Variants in ERICH6 observed in about 807,000 individuals in gnomAD.
ERICH6 encodes glutamate rich 6, also known as glutamate-rich protein 6.
ERICH6 carries 71 observed loss-of-function variants against 71.0 expected under a neutral mutation model. That is an observed-to-expected ratio of 1.00 (90% CI 0.83 to 1.22). The LOEUF (loss-of-function observed/expected upper bound fraction) is 1.22. Among genes scored for constraint, ERICH6 ranks in the 50% most tolerant of loss-of-function variants. The probability of loss-of-function intolerance (pLI) is 0.00; values close to 1 mark genes in which losing one functional copy is unlikely to be tolerated. For missense variants in ERICH6, 808 were observed against 797.2 expected (o/e 1.01, Z -0.16); for synonymous variants, 262 against 278.4 (o/e 0.94, Z 0.59).
chr3:150,663,842 C>A (rs1217898603), intron 13 of ERICH6, among the ~76,000 whole-genome samples: 1 of 151,720 alleles, frequency 6.6e-6, no homozygotes, highest in African/African-American at 2.4e-5. Flanking sequence ...CAGAGACTTG[C>A]AAGTCTCAAG....
chr3:150,702,478 A>G (rs956155370), intron 1 of ERICH6, among the ~76,000 whole-genome samples: 4 of 151,998 alleles, frequency 2.6e-5, no homozygotes, highest in East Asian at 1.9e-4. Context: ...GGGTTTCACC[A>G]TGTTAGCCAG....
Position 150,686,354 on chromosome 3 carries a change from C to T in ERICH6, c.554G>A (p.Arg185Lys), listed in dbSNP as rs777278887. 1 of 1,614,036 alleles carries T rather than the reference C, an allele frequency of 6.2e-7. No individual in the cohort carries two copies. Among genetic ancestry groups the T allele is most frequent in the Non-Finnish European group, 8.5e-7 (1 of 1,179,962 alleles). The change falls in exon 4 of 14, where the codon AGG becomes AAG. Residue 185 changes from arginine to lysine, a missense_variant and splice_region_variant. By Grantham distance (26) the Arg-to-Lys change is conservative (BLOSUM62 2). This residue lies in a region of ERICH6 where 736 missense variants were observed against 712.2 expected (regional missense o/e 1.03). Coordinates refer to ENST00000295910, the MANE Select transcript of ERICH6 (RefSeq NM_152394.5). The stretch of plus-strand genomic sequence containing the variant: ...AGCTTTCTCTTTAGAGGCTTTCTTC[C>T]CTGTGAAAACAGGGTACATGTGTCA... The part of the protein sequence containing the change: ...LQDLSDKVQS[R>K]KKASKEKAEP...
chr3:150,703,229 A>G (rs1250396914), intron 1 of ERICH6, among the ~76,000 whole-genome samples: 1 of 151,990 alleles, frequency 6.6e-6, no homozygotes, highest in Non-Finnish European at 1.5e-5. Context: ...TTGTCTAAAA[A>G]AAAAAAAGCA....
chr3:150,699,023 C>A (rs1200770163), intron 2 of ERICH6, 141 bp from the exon 3 acceptor site: 2 of 636,026 alleles, frequency 3.1e-6, no homozygotes, highest in South Asian at 2.0e-5. Flanking sequence ...CCATTTTTAT[C>A]TTTTCAGTAA....
intron 3 of ERICH6, among the ~76,000 whole-genome samples, chr3:150,690,273 G>T (rs868233876): frequency 2.7e-4 from 41 of 151,922 alleles, no homozygotes; most frequent in Non-Finnish European, 1.0e-4. Context: ...CTCTCCACAC[G>T]TTATGATATA....
intron 12 of ERICH6, 111 bp from the exon 13 acceptor site, chr3:150,667,126 G>T: frequency 1.0e-6 from 1 of 968,688 alleles, no homozygotes; most frequent in Non-Finnish European, 1.6e-6. Flanking sequence ...CCAGCGATTA[G>T]CAGGAGTGGT....
At position 150,659,947 on chromosome 3, in the gene ERICH6, C is replaced by T. The variant is rs755925643; in HGVS notation, c.1937G>A (p.Gly646Asp). 1 of 1,613,014 alleles carries T rather than the reference C, an allele frequency of 6.2e-7. No homozygotes were observed. Among genetic ancestry groups the T allele is most frequent in the East Asian group, 2.2e-5 (1 of 44,886 alleles). ...LKLIALCHSS[G>D]IKQDIMKTIR... is the part of the protein sequence containing the mutation. The stretch of plus-strand genomic sequence containing the variant: ...TGTCTTCATTATATCTTGCTTTATA[C>T]CAGAACTGTGACAAAGGGCAATTAG... The change falls in exon 14 of 14, where the codon GGT becomes GAT. Residue 646 changes from glycine (G) to aspartate (D), a missense_variant. Physicochemically the swap from Gly to Asp is moderately conservative, Grantham distance 94. This residue lies in a region of ERICH6 where 736 missense variants were observed against 712.2 expected (regional missense o/e 1.03). Transcript: ENST00000295910.
intron 9 of ERICH6, among the ~76,000 whole-genome samples, chr3:150,678,856 C>T (rs974691836): frequency 2.6e-5 from 4 of 151,888 alleles, no homozygotes; most frequent in African/African-American, 9.7e-5. Flanking sequence ...GCCTGACCAA[C>T]ATGGTGAAGC....
chr3:150,699,727 A>AC lies in ERICH6; in HGVS notation c.462-846_462-845insG, dbSNP rs895308336. On this transcript the variant is annotated intron_variant, in intron 2 of 13. Coordinates refer to ENST00000295910, the MANE Select transcript of ERICH6 (RefSeq NM_152394.5). ...AAGCCCTCAAAGAGATAAAAACAAA[A>AC]AAAAAAAACACAAAAAACAAACCAA... Among the ~76,000 whole-genome samples the AC allele has an allele frequency of 8.7e-5, 13 of 149,290 alleles. No homozygotes were observed. The South Asian group carries it at 1.7e-3, about 19-fold the overall frequency.
Position 150,684,672 on chromosome 3 carries a change from G to A in ERICH6, c.783+1070C>T, listed in dbSNP as rs555471131. Among the ~76,000 whole-genome samples, 11 of 152,226 alleles carry A rather than the reference G, an allele frequency of 7.2e-5. No individual in the cohort carries two copies. The South Asian group carries it at 8.3e-4, about 11-fold the overall frequency. On this transcript the variant is annotated intron_variant, in intron 6 of 13. Transcript: ENST00000295910. ...CAGTGTGGTGGTGCACCATCTTATT[G>A]GAATACTTGAGGTAAACTTTCTCTT...
At chr3:150,673,423 A>T (rs1242002781) in intron 11 of ERICH6, among the ~76,000 whole-genome samples, 1 of 152,128 alleles carries the variant, frequency 6.6e-6, no homozygotes, top group Non-Finnish European at 1.5e-5. Context: ...CCCTGGGCTC[A>T]AGTAATCCTC....
In ERICH6 at chr3:150,703,798, A is replaced by G; in HGVS notation, c.101T>C (p.Val34Ala). The G allele has an allele frequency of 6.4e-7, 1 of 1,565,122 alleles. No homozygotes were observed. The highest frequency in any genetic ancestry group is 8.6e-7 in the Non-Finnish European group (1 of 1,159,128). Residue 34 changes from valine to alanine, a missense_variant, in exon 1 of 14, where the codon GTG becomes GCG. Val to Ala is a moderately conservative substitution (Grantham distance 64, BLOSUM62 0). Transcript: ENST00000295910. ...ELEEEEEEEEVEEEEEEVEEE... is the reference protein window; with the variant it reads ...ELEEEEEEEEAEEEEEEVEEE... Reference sequence around the variant, plus strand: ...CTCCACCTCTTCCTCCTCCTCCTCCACCTCTTCCTCCTCCTCCTCCTCCTC... The same window carrying G: ...CTCCACCTCTTCCTCCTCCTCCTCCGCCTCTTCCTCCTCCTCCTCCTCCTC...
chr3:150,683,433 C>T (rs1439402174), intron 6 of ERICH6, among the ~76,000 whole-genome samples: 1 of 152,140 alleles, frequency 6.6e-6, no homozygotes, highest in Non-Finnish European at 1.5e-5. Context: ...TCCTTTCACC[C>T]TCAGCTAGGG....
intron 13 of ERICH6, among the ~76,000 whole-genome samples, chr3:150,663,222 T>G (rs1727286036): frequency 6.6e-6 from 1 of 152,104 alleles, no homozygotes; most frequent in Admixed American, 6.5e-5. Flanking sequence ...ATGGATCAGG[T>G]AAAGAGGCAG....
chr3:150,697,579 C>T (rs1712699277), intron 3 of ERICH6, among the ~76,000 whole-genome samples: 1 of 152,126 alleles, frequency 6.6e-6, no homozygotes, highest in South Asian at 2.1e-4. Context: ...CTCTGAGTAT[C>T]ATTTGAGCCT....
intron 12 of ERICH6, among the ~76,000 whole-genome samples, chr3:150,668,774 T>C (rs952399449): frequency 5.9e-5 from 9 of 152,218 alleles, no homozygotes; most frequent in Admixed American, 2.6e-4. Context: ...AGTATATACA[T>C]AGTAGGTTAA....
Position 150,678,456 on chromosome 3 carries a change from T to C in ERICH6, c.1210A>G (p.Ser404Gly), listed in dbSNP as rs749990583. 1 of 1,604,266 alleles carries C rather than the reference T, an allele frequency of 6.2e-7. No individual in the cohort carries two copies. Among genetic ancestry groups the C allele is most frequent in the Admixed American group, 1.8e-5 (1 of 56,874 alleles). Residue 404 changes from serine (S) to glycine (G), a missense_variant, in exon 10 of 14, where the codon AGT (serine) becomes GGT (glycine). Ser to Gly is a moderately conservative substitution (Grantham distance 56). Around this residue, in one of 3 missense-constraint regions of ERICH6, gnomAD observed 736 missense variants for 712.2 expected, o/e 1.03. Transcript: ENST00000295910. ...DIVFDFQLRN[S>G]NMSIICCDSR... ...TCACAACAAATGATAGACATGTTAC[T>C]GTTTCTTAGTTGAAAATCAAATACA...
intron 11 of ERICH6, among the ~76,000 whole-genome samples, chr3:150,672,463 T>C (rs62284045): frequency 0.38 from 56,528 of 150,280 alleles, 11,298 homozygotes; most frequent in African/African-American, 0.52. Context: ...CTGGGCGTGG[T>C]GGCATGTGCC....
intron 6 of ERICH6, among the ~76,000 whole-genome samples, chr3:150,682,652 T>C (rs1338206729): frequency 6.6e-6 from 1 of 152,176 alleles, no homozygotes; most frequent in African/African-American, 2.4e-5. Flanking sequence ...GGGGAATGTG[T>C]AGTGTGTACC....
Sources: allele counts gnomAD v4.1 joint callset (sites outside exome capture counted in the v4.1 genomes callset), GRCh38; gene constraint gnomAD v4.1.1; regional missense constraint gnomAD v4.1.1; transcripts MANE v1.5; gene names NCBI Gene and HGNC (gene_info 2026-07-23, HGNC 2026-07-21).